FAN1: variants seen among roughly 807,000 people sequenced by gnomAD.
FAN1 encodes FANCD2 and FANCI associated nuclease 1, also known as fanconi-associated nuclease 1.
Under a neutral mutation model 104.9 loss-of-function variants are expected in FAN1, and 91 were observed. The observed-to-expected ratio is 0.87, with a 90% CI of 0.73 to 1.03. The LOEUF is 1.03. Among genes scored for constraint, FAN1 ranks in the 50% least tolerant of loss-of-function variants. The probability of loss-of-function intolerance (pLI) is 0.00; values close to 1 mark genes in which losing one functional copy is unlikely to be tolerated. For synonymous variants in FAN1, 478 were observed against 457.6 expected (o/e 1.04, Z -0.57); for missense variants, 1,263 against 1,239.9 (o/e 1.02, Z -0.28).
At chr15:30,929,966 A>G (rs1363301055) in intron 12 of FAN1, among the ~76,000 whole-genome samples, 1 of 125,998 alleles carries the variant, frequency 7.9e-6, no homozygotes, top group Admixed American at 9.4e-5. Flanking sequence ...ATCATATAAT[A>G]TATAAAATAT....
chr15:30,916,225 A>G (rs1318122112), intron 5 of FAN1, among the ~76,000 whole-genome samples: 3 of 152,086 alleles, frequency 2.0e-5, no homozygotes, highest in African/African-American at 4.8e-5. Flanking sequence ...GTGAGAATGT[A>G]TACTCTGAAG....
intron 14 of FAN1, among the ~76,000 whole-genome samples, chr15:30,938,751 C>T (rs986840894): frequency 1.3e-5 from 2 of 152,138 alleles, no homozygotes; most frequent in African/African-American, 4.8e-5. Context: ...CATGATCTAT[C>T]AATATCCACA....
chr15:30,934,466 T>G (rs948239264), intron 13 of FAN1, among the ~76,000 whole-genome samples: 1 of 152,232 alleles, frequency 6.6e-6, no homozygotes, highest in Non-Finnish European at 1.5e-5. Flanking sequence ...TTTCTCTTTG[T>G]CTCAGAACTC....
At position 30,941,943 on chromosome 15, in the gene FAN1, C is replaced by T. The variant is rs534898131; in HGVS notation, c.*381C>T. ...TGCTCCGTATCACTGTTCTGGCTGT[C>T]GGTTTGCTGAGCTGGATCTGGCTTT... On this transcript the variant is annotated 3_prime_UTR_variant, in exon 15 of 15. Transcript: ENST00000362065. 65 of 1,613,976 alleles carry T rather than the reference C, an allele frequency of 4.0e-5. 3 individuals carry two copies. The South Asian group carries it at 5.8e-4, about 14-fold the overall frequency.
At chr15:30,929,771 AT>A (rs2062608268) in intron 12 of FAN1, among the ~76,000 whole-genome samples, 1 of 31,864 alleles carries the variant, frequency 3.1e-5, no homozygotes, top group East Asian at 8.1e-3. Flanking sequence ...TATAAAATAT[AT>A]AATATATTAT....
rs146522953 is a variant in FAN1 at position 30,904,862 on chromosome 15, A to G, written c.199A>G (p.Asn67Asp). The change falls in exon 2 of 15, where the codon AAT becomes GAT. Residue 67 changes from asparagine to aspartate, a missense_variant. Coordinates refer to ENST00000362065, the MANE Select transcript of FAN1 (RefSeq NM_014967.5). ...NRHLDEMCAN[N>D]DFVQVDPGQV... ...GCACCTTGATGAAATGTGTGCTAAC[A>G]ATGACTTCGTTCAAGTGGATCCAGG... is the stretch of plus-strand genomic sequence containing the variant. The G allele has an allele frequency of 2.1e-5, 34 of 1,613,512 alleles. No individual in the cohort carries two copies. In the African/African-American group the frequency reaches 3.9e-4, roughly 18 times the overall value.
intron 12 of FAN1, among the ~76,000 whole-genome samples, chr15:30,930,024 A>G (rs1033221375): frequency 1.2e-4 from 16 of 138,068 alleles, no homozygotes; most frequent in Non-Finnish European, 2.0e-4. Context: ...AATATATAAT[A>G]ATATATATAT....
intron 13 of FAN1, 91 bp from the exon 14 acceptor site, chr15:30,937,028 T>G: frequency 9.9e-7 from 1 of 1,008,396 alleles, no homozygotes; most frequent in South Asian, 1.5e-5. Flanking sequence ...GAAGAGCCAT[T>G]TAAATAGTTG....
intron 5 of FAN1, 67 bp downstream of exon 5, chr15:30,914,158 A>AT (rs1216213057): frequency 6.9e-5 from 85 of 1,228,018 alleles, no homozygotes; most frequent in Non-Finnish European, 8.9e-5. Context: ...AGGTTTTGTT[A>AT]TTTTTTTCCA....
intron 13 of FAN1, among the ~76,000 whole-genome samples, chr15:30,933,167 A>G (rs1327464517): frequency 6.6e-6 from 1 of 152,094 alleles, no homozygotes; most frequent in Non-Finnish European, 1.5e-5. Flanking sequence ...TCGAAGAATC[A>G]GCTTTTGGTT....
chr15:30,917,282 T>G (rs1173920844), intron 5 of FAN1, among the ~76,000 whole-genome samples: 1 of 152,086 alleles, frequency 6.6e-6, no homozygotes, highest in Non-Finnish European at 1.5e-5. Context: ...TTCAGCCGTT[T>G]GGTTGAAGCT....
intron 14 of FAN1, chr15:30,941,131 C>T (rs2140984007): frequency 7.9e-7 from 1 of 1,267,234 alleles, no homozygotes; most frequent in South Asian, 1.3e-5. Context: ...CTGTTGTCTG[C>T]TGCCTGGGGC....
rs750326722 is a variant in FAN1, at chr15:30,925,772, T to G, written c.2338-17T>G. On this transcript the variant is annotated splice_polypyrimidine_tract_variant and intron_variant, in intron 9 of 14. Transcript: ENST00000362065. ...GCTGACCTGAGGCTAATAGATGTTA[T>G]TCTGCTGCTGTTTCAGGTGACCATC... The G allele has an allele frequency of 1.2e-6, 2 of 1,613,668 alleles. No homozygotes were observed. The highest frequency in any genetic ancestry group is 1.7e-6 in the Non-Finnish European group (2 of 1,179,956).
chr15:30,925,230 G>C lies in FAN1; in HGVS notation c.2276G>C (p.Cys759Ser). ...RAVRLRESPS[C>S]KKFKHLFQQL... ...GTGCGCCTGCGAGAGTCTCCGAGCTGTAAAAAGTTCAAGCACCTCTTCCAG... is the reference window on the plus strand; with the variant it reads ...GTGCGCCTGCGAGAGTCTCCGAGCTCTAAAAAGTTCAAGCACCTCTTCCAG... Residue 759 changes from cysteine (C) to serine (S), a missense_variant, in exon 9 of 15, where the codon TGT becomes TCT. Transcript: ENST00000362065. 1 of 1,614,130 alleles carries C rather than the reference G, an allele frequency of 6.2e-7. No homozygotes were observed. The highest frequency in any genetic ancestry group is 8.5e-7 in the Non-Finnish European group (1 of 1,180,026).
chr15:30,935,576 G>A (rs1316871109), intron 13 of FAN1, among the ~76,000 whole-genome samples: 1 of 150,998 alleles, frequency 6.6e-6, no homozygotes, highest in African/African-American at 2.4e-5. Flanking sequence ...AGATGTGCTA[G>A]AATATGCAGA....
chr15:30,906,016 C>A (rs567092998), intron 2 of FAN1, 119 bp downstream of exon 2: 2 of 915,312 alleles, frequency 2.2e-6, no homozygotes, highest in East Asian at 4.8e-5. Context: ...GTTGTGAGCA[C>A]CCTGTGGGAG....
Position 30,942,110 on chromosome 15 carries a change from C to G in FAN1, c.*548C>G. On this transcript the variant is annotated 3_prime_UTR_variant, in exon 15 of 15. Coordinates refer to ENST00000362065, the MANE Select transcript of FAN1 (RefSeq NM_014967.5). ...GATTTTATTATGTTCCGGGGATTCC[C>G]TTTTTAGAAAGATTGAAGGATGCAA... The G allele has an allele frequency of 6.4e-7, 1 of 1,568,846 alleles. No individual in the cohort carries two copies. The highest frequency in any genetic ancestry group is 2.3e-5 in the East Asian group (1 of 44,370).
intron 8 of FAN1, among the ~76,000 whole-genome samples, chr15:30,924,223 T>G (rs1303977777): frequency 6.6e-6 from 1 of 152,228 alleles, no homozygotes. Context: ...TAGCATCTGA[T>G]ACCACATTTT....
chr15:30,927,439 G>A (rs2062493256), intron 10 of FAN1: 2 of 985,648 alleles, frequency 2.0e-6, no homozygotes, highest in Admixed American at 6.1e-5. Context: ...CGGGCTGCAG[G>A]GATGAGGGGC....
Sources: allele counts gnomAD v4.1 joint callset (sites outside exome capture counted in the v4.1 genomes callset), GRCh38; gene constraint gnomAD v4.1.1; transcripts MANE v1.5; gene names NCBI Gene and HGNC (gene_info 2026-07-23, HGNC 2026-07-21).